Variants in NLGN4X observed in about 807,000 individuals in gnomAD.
NLGN4X encodes neuroligin-4, X-linked.
A neutral mutation model predicts 40.3 loss-of-function variants in NLGN4X; 3 were observed. That is an observed-to-expected ratio of 0.07 (90% CI 0.03 to 0.19). The LOEUF is 0.19. Ranked by LOEUF, NLGN4X falls within the 10% of genes least tolerant of loss-of-function variation. The probability of loss-of-function intolerance (pLI) is 1.00; values close to 1 mark genes in which losing one functional copy is unlikely to be tolerated. For synonymous variants in NLGN4X, 270 were observed against 306.8 expected, an observed-to-expected ratio of 0.88 and a Z score of 1.25; for missense variants, 382 against 708.3, an observed-to-expected ratio of 0.54 and a Z score of 5.23.
At chrX:5,999,815 G>A (rs1182146843) in intron 3 of NLGN4X, among the ~76,000 whole-genome samples, 5 of 112,021 alleles carry the variant, frequency 4.5e-5, no homozygotes, top group African/African-American at 6.5e-5. Flanking sequence ...AATGTGGCTT[G>A]CACGTTCAAT....
intron 2 of NLGN4X, among the ~76,000 whole-genome samples, chrX:6,043,391 A>G (rs1241570650): frequency 1.8e-5 from 2 of 111,481 alleles, no homozygotes; most frequent in Non-Finnish European, 3.8e-5. Context: ...TATGTAATAT[A>G]CATTTTCTTA....
chrX:5,962,456 T>C (rs570044973), intron 3 of NLGN4X, among the ~76,000 whole-genome samples: 2 of 112,380 alleles, frequency 1.8e-5, no homozygotes, highest in African/African-American at 6.5e-5. Context: ...AAAAAAGTCA[T>C]GGAAGAATTA....
At chrX:5,918,435 G>A (rs182009233) in intron 3 of NLGN4X, among the ~76,000 whole-genome samples, 1 of 111,808 alleles carries the variant, frequency 8.9e-6, no homozygotes, top group East Asian at 2.8e-4. Context: ...TCACATGCAC[G>A]CTAGCAAAGT....
At chrX:6,025,897 T>G (rs1266680323) in intron 3 of NLGN4X, among the ~76,000 whole-genome samples, 1 of 78,225 alleles carries the variant, frequency 1.3e-5, no homozygotes, top group Non-Finnish European at 2.4e-5. Context: ...AAAGCGAGAC[T>G]CCATCTCAAA....
chrX:5,897,855 T>C lies in NLGN4X; in HGVS notation c.1602-4189A>G, dbSNP rs1304129954. Among the ~76,000 whole-genome samples the C allele has an allele frequency of 6.3e-5, 7 of 111,011 alleles. No individual in the cohort carries two copies. In the East Asian group the frequency reaches 2.0e-3, roughly 32 times the overall value. On this transcript the variant is annotated intron_variant, in intron 5 of 5. Coordinates refer to ENST00000381095, the MANE Select transcript of NLGN4X (RefSeq NM_181332.3). ...GAAAATATACAGGTGACATAATTTATAAGCAAAGATCCAATTGTCCCTCCC... is the reference window on the plus strand; with the variant it reads ...GAAAATATACAGGTGACATAATTTACAAGCAAAGATCCAATTGTCCCTCCC...
chrX:6,126,917 G>A (rs1315780309), intron 2 of NLGN4X, among the ~76,000 whole-genome samples: 1 of 112,070 alleles, frequency 8.9e-6, no homozygotes, highest in East Asian at 2.8e-4. Flanking sequence ...AAATCAACAA[G>A]ACCAAATATA....
At position 5,895,367 on chromosome X, in the gene NLGN4X, T is replaced by TA. The variant is rs763636489; in HGVS notation, c.1602-1702_1602-1701insT. Among the ~76,000 whole-genome samples, 13 of 111,229 alleles carry TA rather than the reference T, an allele frequency of 1.2e-4. No homozygotes were observed. In the South Asian group the frequency reaches 5.0e-3, roughly 42 times the overall value. On this transcript the variant is annotated intron_variant, in intron 5 of 5. Transcript: ENST00000381095. ...GCATATGGTAAGAATTCAGGAAATA[T>TA]TACCCCCTCTCTTCCAATATAAAAA...
chrX:5,909,131 G>T lies in NLGN4X; in HGVS notation c.734C>A (p.Pro245His), dbSNP rs752239099. 3 of 1,209,219 alleles carry T rather than the reference G, an allele frequency of 2.5e-6. No individual in the cohort carries two copies. Among genetic ancestry groups the T allele is most frequent in the Non-Finnish European group, 3.4e-6 (3 of 895,097 alleles). Reference protein sequence around the residue: ...EENVGAFGGDPKRVTIFGSGA... With the variant: ...EENVGAFGGDHKRVTIFGSGA... ...CGAGCCAAAGATGGTCACTCTCTTG[G>T]GGTCCCCGCCAAAGGCTCCCACATT... is the stretch of plus-strand genomic sequence containing the variant. Residue 245 changes from proline to histidine, a missense_variant, in exon 4 of 6, where the codon CCC becomes CAC. Around this residue, in one of 5 missense-constraint regions of NLGN4X, gnomAD observed 32 missense variants for 85.2 expected, o/e 0.38. Coordinates refer to ENST00000381095, the MANE Select transcript of NLGN4X (RefSeq NM_181332.3).
intron 2 of NLGN4X, among the ~76,000 whole-genome samples, chrX:6,114,565 TGCACACATACAC>T (rs2039232676): frequency 2.0e-5 from 2 of 102,155 alleles, no homozygotes; most frequent in African/African-American, 7.3e-5. Context: ...CACACAAACA[TGCACACATACAC>T]CTGCTTGGAA....
chrX:5,974,504 T>C (rs2035119375), intron 3 of NLGN4X, among the ~76,000 whole-genome samples: 1 of 111,744 alleles, frequency 8.9e-6, no homozygotes, highest in South Asian at 3.8e-4. Flanking sequence ...GCATATTGAC[T>C]GACATAATGA....
intron 2 of NLGN4X, among the ~76,000 whole-genome samples, chrX:6,067,436 C>A (rs1324484743): frequency 9.0e-6 from 1 of 110,986 alleles, no homozygotes; most frequent in Non-Finnish European, 1.9e-5. Flanking sequence ...TTAATCCCAA[C>A]AGATCACACA....
rs775333324 is a variant in NLGN4X at position 6,135,432 on chromosome X, T to A, written c.472+15563A>T. Among the ~76,000 whole-genome samples, 718 of 111,871 alleles carry A rather than the reference T, an allele frequency of 6.4e-3. 3 individuals carry two copies. Among genetic ancestry groups the A allele is most frequent in the Non-Finnish European group, 8.9e-3 (475 of 53,143 alleles). ...TGCCCCAAGTTCATCTCCTCTTCCA[T>A]GAAGCAGCCATGCCATTCTTTCTTG... is the stretch of plus-strand genomic sequence containing the variant. On this transcript the variant is annotated intron_variant, in intron 2 of 5. Coordinates refer to ENST00000381095, the MANE Select transcript of NLGN4X (RefSeq NM_181332.3).
chrX:6,084,863 G>A (rs2038458216), intron 2 of NLGN4X, among the ~76,000 whole-genome samples: 1 of 110,319 alleles, frequency 9.1e-6, no homozygotes, highest in Admixed American at 9.7e-5. Flanking sequence ...GCCAGCCTCT[G>A]GAACTAGGAG....
intron 1 of NLGN4X, among the ~76,000 whole-genome samples, chrX:6,199,800 T>C (rs1373747736): frequency 8.9e-6 from 1 of 112,243 alleles, no homozygotes; most frequent in Non-Finnish European, 1.9e-5. Flanking sequence ...GGAAGTTTTT[T>C]TAAAGATAGC....
At chrX:6,021,047 TCCCTCCCTCCCTCCCTCCCTCC>T (rs1246015704) in intron 3 of NLGN4X, among the ~76,000 whole-genome samples, 54 of 24,115 alleles carry the variant, frequency 2.2e-3, no homozygotes, top group Middle Eastern at 0.048. Flanking sequence ...TCTCTCTCTC[TCCCTCCCTCCCTCCCTCCCTCC>T]CTCCCTCCCT....
intron 2 of NLGN4X, among the ~76,000 whole-genome samples, chrX:6,067,264 G>T (rs1475087492): frequency 9.0e-6 from 1 of 111,406 alleles, no homozygotes; most frequent in Non-Finnish European, 1.9e-5. Flanking sequence ...TGTGTTCACT[G>T]CCTGTAAGGG....
At chrX:6,047,552 G>A (rs762466246) in intron 2 of NLGN4X, among the ~76,000 whole-genome samples, 7 of 112,142 alleles carry the variant, frequency 6.2e-5, no homozygotes, top group Admixed American at 5.7e-4. Context: ...AATCAGACGC[G>A]ATTGAAAAAT....
intron 5 of NLGN4X, among the ~76,000 whole-genome samples, chrX:5,897,819 A>G (rs1197850542): frequency 9.0e-6 from 1 of 111,572 alleles, no homozygotes; most frequent in African/African-American, 3.3e-5. Flanking sequence ...CCTCTCACCT[A>G]ATGCTACCAT....
intron 1 of NLGN4X, among the ~76,000 whole-genome samples, chrX:6,207,613 T>A (rs1341210637): frequency 8.9e-6 from 1 of 112,235 alleles, no homozygotes; most frequent in Non-Finnish European, 1.9e-5. Flanking sequence ...AAGAACAGGA[T>A]TCACTGCATT....
Sources: gnomAD v4.1 joint callset for allele counts (sites outside exome capture counted in the v4.1 genomes callset) on GRCh38, gnomAD v4.1.1 for gene constraint, gnomAD v4.1.1 regional missense constraint, MANE v1.5 for transcripts, NCBI Gene and HGNC (gene_info 2026-07-23, HGNC 2026-07-21) for gene names.